CDC14A: variants seen among roughly 807,000 people sequenced by gnomAD.
CDC14A encodes the protein dual specificity protein phosphatase CDC14A.
In CDC14A, 53 loss-of-function variants were observed where a neutral mutation model predicts 74.4. That is an observed-to-expected ratio of 0.71 (90% CI 0.57 to 0.89). CDC14A has a LOEUF of 0.89. CDC14A is among the 40% of genes least tolerant of loss of function. The pLI is 0.00. For synonymous variants in CDC14A, 247 were observed against 258.4 expected (o/e 0.96, Z 0.43); for missense variants, 646 against 713.7 (o/e 0.91, Z 1.08).
chr1:100,352,488 T>G, upstream of CDC14A: 3 of 1,017,706 alleles, frequency 2.9e-6, no homozygotes, highest in Non-Finnish European at 3.5e-6. Context: ...TGAAAGGAGG[T>G]GGCGAAGGAG....
chr1:100,486,805 A>G (rs563675595), intron 11 of CDC14A, among the ~76,000 whole-genome samples: 3 of 152,326 alleles, frequency 2.0e-5, no homozygotes, highest in African/African-American at 7.2e-5. Context: ...TATGGTGAAT[A>G]TTTTACACAG....
At chr1:100,405,829 G>A (rs1659868744) in intron 4 of CDC14A, among the ~76,000 whole-genome samples, 1 of 152,184 alleles carries the variant, frequency 6.6e-6, no homozygotes, top group Non-Finnish European at 1.5e-5. Context: ...GAATAGTGCT[G>A]CAGTGAACAT....
chr1:100,356,778 A>C (rs909541063), intron 2 of CDC14A, among the ~76,000 whole-genome samples: 4 of 149,428 alleles, frequency 2.7e-5, no homozygotes, highest in African/African-American at 9.9e-5. Context: ...TGCTTGAACC[A>C]GGACCTGGTA....
chr1:100,432,099 T>TTTG (rs971876676), intron 5 of CDC14A, among the ~76,000 whole-genome samples: 1 of 152,222 alleles, frequency 6.6e-6, no homozygotes, highest in African/African-American at 2.4e-5. Context: ...ATTCTGTTTT[T>TTTG]TTGTTGTTGT....
intron 3 of CDC14A, among the ~76,000 whole-genome samples, chr1:100,381,523 CTGTGCTTTATATA>C (rs1192781291): frequency 6.6e-6 from 1 of 152,056 alleles, no homozygotes; most frequent in Non-Finnish European, 1.5e-5. Context: ...CTTCCTCATT[CTGTGCTTTATATA>C]GATAGGTAAT....
chr1:100,397,431 C>T (rs1206769361), intron 4 of CDC14A, among the ~76,000 whole-genome samples: 1 of 152,144 alleles, frequency 6.6e-6, no homozygotes, highest in East Asian at 1.9e-4. Flanking sequence ...ATCTAAAACA[C>T]TCTGATATGA....
intron 10 of CDC14A, among the ~76,000 whole-genome samples, chr1:100,468,948 G>A (rs753928907): frequency 6.6e-6 from 1 of 151,330 alleles, no homozygotes; most frequent in African/African-American, 2.4e-5. Flanking sequence ...TTGTAGAGAC[G>A]GGGGCCTCAC....
At chr1:100,435,830 A>T (rs1436772806) in intron 5 of CDC14A, among the ~76,000 whole-genome samples, 1 of 144,316 alleles carries the variant, frequency 6.9e-6, no homozygotes, top group Non-Finnish European at 1.5e-5. Flanking sequence ...GTCTAAAAAA[A>T]AAAAAAAAAA....
At chr1:100,451,315 C>T (rs1666122621) in intron 7 of CDC14A, among the ~76,000 whole-genome samples, 1 of 152,200 alleles carries the variant, frequency 6.6e-6, no homozygotes, top group South Asian at 2.1e-4. Context: ...TGTTTTCCAA[C>T]CCCACTGTCT....
upstream of CDC14A, among the ~76,000 whole-genome samples, chr1:100,349,526 A>G (rs1650728175): frequency 1.3e-5 from 2 of 152,182 alleles, no homozygotes; most frequent in Admixed American, 1.3e-4. Context: ...GAACCTTGGT[A>G]TGTATTATAC....
chr1:100,392,941 G>A, intron 4 of CDC14A: 6 of 817,824 alleles, frequency 7.3e-6, no homozygotes, highest in East Asian at 2.7e-5. Context: ...AACATCAATG[G>A]TTTTGGGAAG....
intron 9 of CDC14A, among the ~76,000 whole-genome samples, chr1:100,463,215 G>T (rs530300785): frequency 6.6e-6 from 1 of 152,234 alleles, no homozygotes; most frequent in African/African-American, 2.4e-5. Context: ...AGAGACAAGG[G>T]TTGTTAGTTT....
chr1:100,379,761 A>T (rs1655815836), intron 3 of CDC14A, among the ~76,000 whole-genome samples: 1 of 152,212 alleles, frequency 6.6e-6, no homozygotes, highest in Non-Finnish European at 1.5e-5. Flanking sequence ...TGGCACCAAC[A>T]TCTGCTTCTG....
At chr1:100,429,602 T>C (rs1051070967) in intron 5 of CDC14A, among the ~76,000 whole-genome samples, 2 of 151,450 alleles carry the variant, frequency 1.3e-5, no homozygotes, top group South Asian at 2.1e-4. Context: ...GTCAGAGTTA[T>C]TGGGATTTTG....
At chr1:100,356,943 G>T (rs1399234345) in intron 2 of CDC14A, among the ~76,000 whole-genome samples, 1 of 151,414 alleles carries the variant, frequency 6.6e-6, no homozygotes, top group East Asian at 1.9e-4. Context: ...GGAAAGAAGC[G>T]ATCTGAAGCC....
intron 4 of CDC14A, among the ~76,000 whole-genome samples, chr1:100,415,000 C>T (rs1422339615): frequency 3.3e-5 from 5 of 152,060 alleles, no homozygotes; most frequent in Non-Finnish European, 7.4e-5. Context: ...CATGAACTCA[C>T]CTCAGGCAGA....
intron 5 of CDC14A, among the ~76,000 whole-genome samples, chr1:100,435,609 G>A (rs1266569731): frequency 3.3e-5 from 5 of 151,870 alleles, no homozygotes; most frequent in Non-Finnish European, 7.4e-5. Flanking sequence ...TGGGCGGATC[G>A]CCTGAGGTCA....
Position 100,393,519 on chromosome 1 carries a change from G to A in CDC14A, c.309+2695G>A. 7 of 762,216 alleles carry A rather than the reference G, an allele frequency of 9.2e-6. 1 individual carries two copies. The Admixed American group carries it at 1.2e-4, about 13-fold the overall frequency. 47.2% of individuals were successfully genotyped at this position (762,216 alleles called of 1,614,324 possible). A position where few individuals can be genotyped will look rare whatever the true frequency, so the allele number is the denominator to read the frequency against. ...CTCAAATTCATTTCTCATCATGTCA[G>A]TTTCAAAAGCAGAATAATCCAGGAC... is the stretch of plus-strand genomic sequence containing the variant. On this transcript the variant is annotated intron_variant, in intron 4 of 15. Coordinates refer to ENST00000336454, the MANE Select transcript of CDC14A (RefSeq NM_003672.4).
chr1:100,490,925 T>C (rs771637911), intron 11 of CDC14A, among the ~76,000 whole-genome samples: 10 of 152,310 alleles, frequency 6.6e-5, no homozygotes, highest in Middle Eastern at 3.4e-3. Context: ...CTCTTAAACA[T>C]TGCTAGTTGG....
Sources: gnomAD v4.1 joint callset for allele counts (sites outside exome capture counted in the v4.1 genomes callset) on GRCh38, gnomAD v4.1.1 for gene constraint, MANE v1.5 for transcripts, NCBI Gene and HGNC (gene_info 2026-07-23, HGNC 2026-07-21) for gene names.